ST6GALNAC3: variants seen among roughly 807,000 people sequenced by gnomAD.
ST6GALNAC3 encodes the protein alpha-N-acetylgalactosaminide alpha-2,6-sialyltransferase 3.
In ST6GALNAC3, 25 loss-of-function variants were observed where a neutral mutation model predicts 32.7. That is an observed-to-expected ratio of 0.76 (90% CI 0.56 to 1.07). ST6GALNAC3 has a LOEUF of 1.07. ST6GALNAC3 is among the 50% of genes least tolerant of loss of function. The probability of loss-of-function intolerance (pLI) is 0.00; values close to 1 mark genes in which losing one functional copy is unlikely to be tolerated. For missense variants in ST6GALNAC3, 355 were observed against 382.4 expected, an observed-to-expected ratio of 0.93 and a Z score of 0.60; for synonymous variants, 129 against 133.1, an observed-to-expected ratio of 0.97 and a Z score of 0.21.
At chr1:76,598,004 A>T (rs1647164583) in intron 3 of ST6GALNAC3, among the ~76,000 whole-genome samples, 1 of 152,164 alleles carries the variant, frequency 6.6e-6, no homozygotes, top group South Asian at 2.1e-4. Flanking sequence ...AAACACCAAA[A>T]GTTTATTACT....
Position 76,318,281 on chromosome 1 carries a change from A to C in ST6GALNAC3, c.213+4282A>C, listed in dbSNP as rs536662171. Among the ~76,000 whole-genome samples, 3 of 152,296 alleles carry C rather than the reference A, an allele frequency of 2.0e-5. No individual in the cohort carries two copies. In the South Asian group the frequency reaches 6.2e-4, roughly 32 times the overall value. The stretch of plus-strand genomic sequence containing the variant: ...TCCCACTGTAATAATGATGATCTAA[A>C]TATAACAGAGTTGGTGATTGGCTTT... On this transcript the variant is annotated intron_variant, in intron 2 of 4. Coordinates refer to ENST00000328299, the MANE Select transcript of ST6GALNAC3 (RefSeq NM_152996.4).
chr1:76,512,309 T>C (rs968297906), intron 3 of ST6GALNAC3, among the ~76,000 whole-genome samples: 4 of 152,194 alleles, frequency 2.6e-5, no homozygotes, highest in Admixed American at 6.5e-5. Context: ...TGTTCCTTTT[T>C]CTATGCATGT....
At chr1:76,124,538 C>T (rs547629380) in intron 1 of ST6GALNAC3, among the ~76,000 whole-genome samples, 4 of 152,256 alleles carry the variant, frequency 2.6e-5, no homozygotes, top group East Asian at 1.9e-4. Context: ...TGACTTATTC[C>T]TAACAGGGAA....
At chr1:76,202,830 T>G (rs1654610006) in intron 1 of ST6GALNAC3, among the ~76,000 whole-genome samples, 1 of 152,226 alleles carries the variant, frequency 6.6e-6, no homozygotes, top group Non-Finnish European at 1.5e-5. Context: ...AAGTGGCCTT[T>G]GGACCCTGAG....
intron 2 of ST6GALNAC3, among the ~76,000 whole-genome samples, chr1:76,387,466 T>C (rs1206743614): frequency 1.3e-5 from 2 of 152,124 alleles, no homozygotes; most frequent in Admixed American, 1.3e-4. Flanking sequence ...AGATTCTGTT[T>C]AGATGCTTTT....
chr1:76,246,862 A>G (rs138654241), intron 1 of ST6GALNAC3, among the ~76,000 whole-genome samples: 2 of 152,144 alleles, frequency 1.3e-5, no homozygotes, highest in African/African-American at 4.8e-5. Flanking sequence ...GGAGTTGTGA[A>G]TATTTAGAGG....
At chr1:76,457,421 G>C (rs1657906347) in intron 3 of ST6GALNAC3, among the ~76,000 whole-genome samples, 1 of 151,948 alleles carries the variant, frequency 6.6e-6, no homozygotes, top group Non-Finnish European at 1.5e-5. Context: ...AAAGAACAAA[G>C]CTGGAGGCAT....
At chr1:76,098,139 G>A (rs1197191514) in intron 1 of ST6GALNAC3, among the ~76,000 whole-genome samples, 1 of 152,070 alleles carries the variant, frequency 6.6e-6, no homozygotes, top group Admixed American at 6.6e-5. Context: ...TATCCACAAG[G>A]CAATAATTTG....
intron 2 of ST6GALNAC3, among the ~76,000 whole-genome samples, chr1:76,354,672 T>C (rs1649294931): frequency 6.6e-6 from 1 of 151,518 alleles, no homozygotes; most frequent in Non-Finnish European, 1.5e-5. Context: ...CTGTGTAGAT[T>C]AGTATATAGG....
intron 3 of ST6GALNAC3, among the ~76,000 whole-genome samples, chr1:76,419,944 C>CTTTTTTTT (rs66531652): frequency 2.7e-4 from 37 of 138,730 alleles, no homozygotes; most frequent in Non-Finnish European, 3.6e-4. Flanking sequence ...TTCTTTCTTT[C>CTTTTTTTT]TTTTTTTTTT....
rs55786044 is a variant in ST6GALNAC3, at chr1:76,357,130, CTTT to C, written c.213+43144_213+43146del. ...TAGTTTTCTTTTTTCTTTTCTTTTT[CTTT>C]TTTTTTTTTTTTCATTTTTGAGACC... On this transcript the variant is annotated intron_variant, in intron 2 of 4. Coordinates refer to ENST00000328299, the MANE Select transcript of ST6GALNAC3 (RefSeq NM_152996.4). 3.3e-3 allele frequency among the ~76,000 whole-genome samples: 371 copies of C among 111,194 alleles called. 5 individuals carry two copies. The highest frequency in any genetic ancestry group is 0.013 in the Middle Eastern group (2 of 160). 72.9% of individuals were successfully genotyped at this position (111,194 alleles called of 152,430 possible).
Position 76,553,945 on chromosome 1 carries a change from A to G in ST6GALNAC3, c.624-73507A>G, listed in dbSNP as rs538829785. On this transcript the variant is annotated intron_variant, in intron 3 of 4. Coordinates refer to ENST00000328299, the MANE Select transcript of ST6GALNAC3 (RefSeq NM_152996.4). ...GTGAAATTACTGTACCAAAAGCAGTATATACACATAGTAATAATAATGCAA... is the reference window on the plus strand; with the variant it reads ...GTGAAATTACTGTACCAAAAGCAGTGTATACACATAGTAATAATAATGCAA... Among the ~76,000 whole-genome samples the G allele has an allele frequency of 1.1e-4, 17 of 152,352 alleles. 1 individual carries two copies. In the South Asian group the frequency reaches 3.3e-3, roughly 30 times the overall value.
chr1:76,556,941 C>T (rs1664963878), intron 3 of ST6GALNAC3, among the ~76,000 whole-genome samples: 1 of 151,838 alleles, frequency 6.6e-6, no homozygotes, highest in Admixed American at 6.6e-5. Context: ...AAAAGGCTTG[C>T]CTAATCCAAA....
At chr1:76,290,508 C>A (rs970712325) in intron 1 of ST6GALNAC3, among the ~76,000 whole-genome samples, 1 of 152,092 alleles carries the variant, frequency 6.6e-6, no homozygotes, top group South Asian at 2.1e-4. Flanking sequence ...ACCACAGCTA[C>A]GAATGCCACC....
chr1:76,484,603 C>T (rs562306120), intron 3 of ST6GALNAC3, among the ~76,000 whole-genome samples: 1 of 152,262 alleles, frequency 6.6e-6, no homozygotes, highest in South Asian at 2.1e-4. Context: ...TGTTTCTTAT[C>T]AGCTTAAGGA....
chr1:76,096,789 T>C (rs1044279286), intron 1 of ST6GALNAC3, among the ~76,000 whole-genome samples: 3 of 152,070 alleles, frequency 2.0e-5, no homozygotes, highest in African/African-American at 7.2e-5. Context: ...CCAAAGGAGA[T>C]TGCTGTCTTG....
At chr1:76,081,262 A>G (rs1017402810) in intron 1 of ST6GALNAC3, among the ~76,000 whole-genome samples, 9 of 151,514 alleles carry the variant, frequency 5.9e-5, no homozygotes, top group Admixed American at 1.3e-4. Context: ...AAAATACACT[A>G]ACACGAATGA....
intron 3 of ST6GALNAC3, among the ~76,000 whole-genome samples, chr1:76,605,040 T>A (rs1255214920): frequency 6.6e-6 from 1 of 152,198 alleles, no homozygotes; most frequent in Non-Finnish European, 1.5e-5. Flanking sequence ...ATGTTATTTC[T>A]TGTTAACATG....
In ST6GALNAC3 at chr1:76,193,910, C is replaced by T. The variant is rs568888476; in HGVS notation, c.18+119026C>T. Among the ~76,000 whole-genome samples the T allele has an allele frequency of 3.5e-4, 53 of 152,258 alleles. 1 individual carries two copies. In the South Asian group the frequency reaches 9.9e-3, roughly 29 times the overall value. The stretch of plus-strand genomic sequence containing the variant: ...TATCTGGTGTCTCTTCTTACAAGAA[C>T]CTTAATCTTATAGGACCAGGTCCCC... On this transcript the variant is annotated intron_variant, in intron 1 of 4. Transcript: ENST00000328299.
Sources: allele counts gnomAD v4.1 joint callset (sites outside exome capture counted in the v4.1 genomes callset), GRCh38; gene constraint gnomAD v4.1.1; transcripts MANE v1.5; gene names NCBI Gene and HGNC (gene_info 2026-07-23, HGNC 2026-07-21).